Variants in RNF19A observed in about 807,000 individuals in gnomAD.
RNF19A encodes ring finger protein 19A, RBR E3 ubiquitin protein ligase, also known as E3 ubiquitin-protein ligase RNF19A.
Under a neutral mutation model 75.7 loss-of-function variants are expected in RNF19A, and 32 were observed. The observed-to-expected ratio is 0.42, with a 90% confidence interval of 0.32 to 0.57. The LOEUF (loss-of-function observed/expected upper bound fraction) is 0.57, where lower values mean the gene tolerates loss of function less well. RNF19A is among the 20% of genes least tolerant of loss of function. RNF19A has a pLI of 0.10. For synonymous variants in RNF19A, 335 were observed against 345.2 expected, an observed-to-expected ratio of 0.97 and a Z score of 0.33; for missense variants, 782 against 1,036.3, an observed-to-expected ratio of 0.75 and a Z score of 3.37.
intron 1 of RNF19A, among the ~76,000 whole-genome samples, chr8:100,290,382 G>A (rs950618026): frequency 1.4e-4 from 21 of 152,184 alleles, no homozygotes; most frequent in South Asian, 2.1e-4. Flanking sequence ...GATTATAGAC[G>A]TCAGCCACAG....
At position 100,317,510 on chromosome 8, in the gene RNF19A, C is replaced by T. The variant is rs1351082044; in HGVS notation, c.-242-4138G>A. ...AGAATCTTCTTTATTTCCCCTCCCA[C>T]CCATTCTTCTGACATATCCCCAAAG... On this transcript the variant is annotated intron_variant, in intron 1 of 3. Transcript: ENST00000519527. The surrounding 1 kb of genome is among the most constrained non-coding windows in gnomAD (Gnocchi z 4.3). Among the ~76,000 whole-genome samples, 1 of 152,216 alleles carries T rather than the reference C, an allele frequency of 6.6e-6. No homozygotes were observed.
chr8:100,310,097 A>T, upstream of RNF19A: 1 of 985,210 alleles, frequency 1.0e-6, no homozygotes, highest in Non-Finnish European at 1.2e-6. Flanking sequence ...CGCCGCAACT[A>T]CCACCTCCCC....
intron 1 of RNF19A, among the ~76,000 whole-genome samples, chr8:100,327,943 A>C (rs2130389082): frequency 6.6e-6 from 1 of 152,350 alleles, no homozygotes; most frequent in South Asian, 2.1e-4. Context: ...ATTTGTGAGA[A>C]AACTGGTAAA....
intron 1 of RNF19A, among the ~76,000 whole-genome samples, chr8:100,294,578 C>A (rs1821463502): frequency 7.1e-6 from 1 of 141,172 alleles, no homozygotes; most frequent in Admixed American, 7.0e-5. Context: ...GGCCACTTAA[C>A]TTCCATCCCC....
At position 100,289,966 on chromosome 8, in the gene RNF19A, G is replaced by A. The variant is rs1404763636; in HGVS notation, c.-93-1699C>T. Among the ~76,000 whole-genome samples the A allele has an allele frequency of 2.0e-5, 3 of 152,064 alleles. No individual in the cohort carries two copies. The South Asian group carries it at 6.2e-4, about 32-fold the overall frequency. ...TCTAAAGCAATGAAGCAATGAAAAG[G>A]AATAAAATACTGCTACACACAAGAC... is the stretch of plus-strand genomic sequence containing the variant. On this transcript the variant is annotated intron_variant, in intron 1 of 9. Coordinates refer to ENST00000341084, the MANE Select transcript of RNF19A (RefSeq NM_183419.4).
At chr8:100,283,905 T>G in intron 2 of RNF19A, among the ~76,000 whole-genome samples, 1 of 152,154 alleles carries the variant, frequency 6.6e-6, no homozygotes, top group East Asian at 1.9e-4. Context: ...TTACCAATAT[T>G]TCTTATGCCA....
chr8:100,275,280 A>G lies in RNF19A; in HGVS notation c.675-119T>C. ...ATTTTCTATTTATACATTAGCAAAC[A>G]GTCATAAGCACAATCTCACCAATAT... On this transcript the variant is annotated intron_variant, in intron 2 of 9. Coordinates refer to ENST00000341084, the MANE Select transcript of RNF19A (RefSeq NM_183419.4). The surrounding 1 kb of genome is among the most constrained non-coding windows in gnomAD (Gnocchi z 4.3). 1.3e-6 allele frequency: 1 copy of G among 755,070 alleles called. No homozygotes were observed. The highest frequency in any genetic ancestry group is 2.1e-6 in the Non-Finnish European group (1 of 466,636). 46.8% of individuals were successfully genotyped at this position (755,070 alleles called of 1,614,324 possible).
In RNF19A at chr8:100,324,893, CTCTCTCTT is replaced by C. The variant is rs2130371926; in HGVS notation, c.-243+11207_-243+11214del. 1.3e-5 allele frequency among the ~76,000 whole-genome samples: 2 copies of C among 148,192 alleles called. No homozygotes were observed. Among genetic ancestry groups the C allele is most frequent in the African/African-American group, 5.0e-5 (2 of 39,998 alleles). Reference sequence around the variant, plus strand: ...TTCTCTTTTTTTTCTTTCTTTCTCTCTCTCTCTTTCTCTCTTTCTTTCTTTCTTTTCTT... The same window carrying C: ...TTCTCTTTTTTTTCTTTCTTTCTCTCTCTCTCTTTCTTTCTTTCTTTTCTT... On this transcript the variant is annotated intron_variant, in intron 1 of 3. Coordinates refer to the RNF19A transcript ENST00000519527. This position sits in a 1 kb window ranked among gnomAD's most constrained non-coding sequence, Gnocchi z 4.2.
upstream of RNF19A, among the ~76,000 whole-genome samples, chr8:100,312,009 C>G (rs950992998): frequency 1.3e-5 from 2 of 152,186 alleles, no homozygotes; most frequent in Non-Finnish European, 2.9e-5. Context: ...ACCTCAGATT[C>G]AGGCTGTCCA....
At chr8:100,327,138 C>T (rs994827279) in intron 1 of RNF19A, among the ~76,000 whole-genome samples, 5 of 151,480 alleles carry the variant, frequency 3.3e-5, no homozygotes, top group African/African-American at 7.3e-5. Context: ...ATCTTAGCCT[C>T]GCTAACAAAT....
chr8:100,310,225 C>A (rs992984036), upstream of RNF19A: 6 of 985,062 alleles, frequency 6.1e-6, no homozygotes, highest in African/African-American at 1.7e-5. Flanking sequence ...CCACCGGGCC[C>A]GCTGCGGGCG....
chr8:100,304,266 T>C (rs1057299473), intron 1 of RNF19A, among the ~76,000 whole-genome samples: 2 of 152,088 alleles, frequency 1.3e-5, no homozygotes, highest in Admixed American at 6.5e-5. Context: ...CTGACAAAAG[T>C]TGGTTTTATA....
chr8:100,290,553 G>A (rs890966977), intron 1 of RNF19A, among the ~76,000 whole-genome samples: 2 of 152,062 alleles, frequency 1.3e-5, no homozygotes, highest in South Asian at 2.1e-4. Context: ...TGTGTTCTCT[G>A]GAAAAACATT....
At chr8:100,262,818 G>A (rs1362166851) in intron 7 of RNF19A, among the ~76,000 whole-genome samples, 1 of 152,180 alleles carries the variant, frequency 6.6e-6, no homozygotes, top group African/African-American at 2.4e-5. Flanking sequence ...AAGAGAGTAA[G>A]AAGTGGCTGG....
At position 100,287,830 on chromosome 8, in the gene RNF19A, A is replaced by G. The variant is rs771678977; in HGVS notation, c.345T>C (p.Ser115=). ...TGCTGATGGAAGTTAATCCATTGTC[A>G]GAAGAGGTATTTGTAGAGAAAATGG... ...KNSIFSTNTS[S]DNGLTSISKQ... The change falls in exon 2 of 10, where the codon TCT becomes TCC. Residue 115 remains serine, a synonymous_variant. Transcript: ENST00000341084. This position sits in a 1 kb window ranked among gnomAD's most constrained non-coding sequence, Gnocchi z 4.1. The G allele has an allele frequency of 1.9e-6, 3 of 1,614,216 alleles. No homozygotes were observed. Among genetic ancestry groups the G allele is most frequent in the South Asian group, 2.2e-5 (2 of 91,082 alleles).
Position 100,261,609 on chromosome 8 carries a change from T to C in RNF19A, c.1615A>G (p.Met539Val), listed in dbSNP as rs779185300. The change falls in exon 8 of 10, where the codon ATG becomes GTG. Residue 539 changes from methionine to valine, a missense_variant. This residue lies in a region of RNF19A where 442 missense variants were observed against 541.6 expected (regional missense o/e 0.82). Transcript: ENST00000341084. The surrounding 1 kb of genome is among the most constrained non-coding windows in gnomAD (Gnocchi z 4.4). ...RDNLSETAST[M>V]ALAGASITGS... Reference sequence around the variant, plus strand: ...GTTATACTGGCTCCAGCTAGTGCCATGGTGCTGGCCGTTTCACTCAGGTTG... The same window carrying C: ...GTTATACTGGCTCCAGCTAGTGCCACGGTGCTGGCCGTTTCACTCAGGTTG... The C allele has an allele frequency of 3.8e-5, 61 of 1,614,000 alleles. 1 individual carries two copies. Among genetic ancestry groups the C allele is most frequent in the South Asian group, 3.2e-4 (29 of 91,082 alleles).
chr8:100,279,689 A>G (rs1820691423), intron 2 of RNF19A, among the ~76,000 whole-genome samples: 1 of 152,150 alleles, frequency 6.6e-6, no homozygotes, highest in South Asian at 2.1e-4. Flanking sequence ...ATGCTTGGCT[A>G]ATTTTTTTTG....
chr8:100,311,733 A>G (rs1274040537), upstream of RNF19A, among the ~76,000 whole-genome samples: 1 of 148,886 alleles, frequency 6.7e-6, no homozygotes, highest in Non-Finnish European at 1.5e-5. Flanking sequence ...AAAAAAAAAA[A>G]AAAAAAGAAA....
In RNF19A at chr8:100,329,532, C is replaced by T. The variant is rs183641381; in HGVS notation, c.-243+6576G>A. Among the ~76,000 whole-genome samples the T allele has an allele frequency of 6.6e-6, 1 of 152,294 alleles. No homozygotes were observed. The highest frequency in any genetic ancestry group is 1.9e-4 in the East Asian group (1 of 5,192). On this transcript the variant is annotated intron_variant, in intron 1 of 3. Coordinates refer to the RNF19A transcript ENST00000519527. The surrounding 1 kb of genome is among the most constrained non-coding windows in gnomAD (Gnocchi z 4.3). ...TGTCCAGATAAAGGAAGTCAATGGT[C>T]CCACTGAACTCAGCAATGGTCAGGC...
Sources: gnomAD v4.1 joint callset for allele counts (sites outside exome capture counted in the v4.1 genomes callset) on GRCh38, gnomAD v4.1.1 for gene constraint, gnomAD v4.1.1 regional missense constraint, Gnocchi (gnomAD v3.1) non-coding constraint, MANE v1.5 for transcripts, NCBI Gene and HGNC (gene_info 2026-07-23, HGNC 2026-07-21) for gene names.